Variants in RPTOR observed in about 807,000 individuals in gnomAD.
RPTOR encodes the protein regulatory associated protein of MTOR complex 1, also known as regulatory-associated protein of mTOR.
RPTOR carries 21 observed loss-of-function variants against 169.9 expected under a neutral mutation model. The ratio of observed to expected loss-of-function variants is 0.12; its 90% CI spans 0.09 to 0.18. RPTOR has a LOEUF of 0.18. RPTOR is among the 10% of genes least tolerant of loss of function. The pLI, the probability that RPTOR is intolerant of heterozygous loss-of-function variation, is 1.00. For synonymous variants in RPTOR, 732 were observed against 753.2 expected, an observed-to-expected ratio of 0.97 and a Z score of 0.46; for missense variants, 1,133 against 1,855.9, an observed-to-expected ratio of 0.61 and a Z score of 7.16.
At chr17:80,775,470 G>T (rs2066884328) in intron 6 of RPTOR, among the ~76,000 whole-genome samples, 1 of 152,178 alleles carries the variant, frequency 6.6e-6, no homozygotes, top group Non-Finnish European at 1.5e-5. Flanking sequence ...CTTCTCAGAT[G>T]CTTCAGGGGG....
In RPTOR at chr17:80,690,132, T is replaced by G. The variant is rs543663295; in HGVS notation, c.349-17709T>G. ...TTTAAACTTTTTATTATGAAAAATT[T>G]CAACATATACCCATCATCTATCTTC... On this transcript the variant is annotated intron_variant, in intron 3 of 33. Transcript: ENST00000306801. Among the ~76,000 whole-genome samples, 3 of 152,310 alleles carry G rather than the reference T, an allele frequency of 2.0e-5. No individual in the cohort carries two copies. The South Asian group carries it at 6.2e-4, about 32-fold the overall frequency.
In RPTOR at chr17:80,820,178, G is replaced by A. The variant is rs1342509735; in HGVS notation, c.891-2023G>A. The stretch of plus-strand genomic sequence containing the variant: ...AGCTTCGGCGTGTGGTCTGGGCGCT[G>A]TCTGTCCTCTGCATGGCTTTGGTAA... On this transcript the variant is annotated intron_variant, in intron 7 of 33. Coordinates refer to ENST00000306801, the MANE Select transcript of RPTOR (RefSeq NM_020761.3). This position sits in a 1 kb window ranked among gnomAD's most constrained non-coding sequence, Gnocchi z 4.1. Among the ~76,000 whole-genome samples the A allele has an allele frequency of 2.0e-5, 3 of 152,204 alleles. No individual in the cohort carries two copies. Among genetic ancestry groups the A allele is most frequent in the African/African-American group, 7.2e-5 (3 of 41,446 alleles).
intron 20 of RPTOR, among the ~76,000 whole-genome samples, chr17:80,900,595 C>T (rs996728366): frequency 6.6e-6 from 1 of 152,248 alleles, no homozygotes; most frequent in Non-Finnish European, 1.5e-5. Flanking sequence ...GGATTACAGG[C>T]ATGAGCCACT....
At chr17:80,946,083 A>AG (rs2069099872) in intron 26 of RPTOR, among the ~76,000 whole-genome samples, 1 of 152,112 alleles carries the variant, frequency 6.6e-6, no homozygotes, top group African/African-American at 2.4e-5. Context: ...AGGCGTACAC[A>AG]GGGGGGCCAG....
chr17:80,836,891 T>A (rs928515931), intron 9 of RPTOR, among the ~76,000 whole-genome samples: 1 of 152,092 alleles, frequency 6.6e-6, no homozygotes, highest in Admixed American at 6.5e-5. Context: ...CGGCTGTTCC[T>A]ACAGTAGAAT....
chr17:80,858,690 C>G (rs577825332), intron 13 of RPTOR, among the ~76,000 whole-genome samples: 1 of 151,952 alleles, frequency 6.6e-6, no homozygotes, highest in African/African-American at 2.4e-5. Context: ...GAACTGGAAA[C>G]GCCAGGAAGG....
At chr17:80,585,722 T>TTA (rs1491373245) in intron 1 of RPTOR, among the ~76,000 whole-genome samples, 1 of 152,184 alleles carries the variant, frequency 6.6e-6, no homozygotes, top group Non-Finnish European at 1.5e-5. Context: ...TTGGAGCCAC[T>TTA]TATATATAGA....
rs1598374517 is a variant in RPTOR at position 80,880,335 on chromosome 17, T to C, written c.1510-80T>C. The C allele has an allele frequency of 1.0e-4, 122 of 1,191,084 alleles. 1 individual carries two copies. The South Asian group carries it at 1.4e-3, about 13-fold the overall frequency. The allele number at this position is 1,191,084 out of a possible 1,614,324, so 73.8% of individuals were successfully genotyped here. On this transcript the variant is annotated intron_variant, in intron 13 of 33. Coordinates refer to ENST00000306801, the MANE Select transcript of RPTOR (RefSeq NM_020761.3). ...GAGGTATAAGAAGTCCCTGCCCTTA[T>C]TCGTTCACGCACCATGAGAAGCTTG...
intron 20 of RPTOR, among the ~76,000 whole-genome samples, chr17:80,896,254 G>A (rs61259441): frequency 0.73 from 110,551 of 151,858 alleles, 40,611 homozygotes; most frequent in Admixed American, 0.79. Flanking sequence ...CCGTCCTCCC[G>A]CCAGTGCTTC....
intron 21 of RPTOR, among the ~76,000 whole-genome samples, chr17:80,912,800 G>A (rs542839858): frequency 6.6e-6 from 1 of 152,140 alleles, no homozygotes; most frequent in African/African-American, 2.4e-5. Context: ...CGTGCTATCC[G>A]ATTGAGACCC....
intron 1 of RPTOR, among the ~76,000 whole-genome samples, chr17:80,546,881 C>T (rs942544985): frequency 5.9e-5 from 9 of 152,168 alleles, no homozygotes; most frequent in Admixed American, 3.9e-4. Flanking sequence ...CCAGCCCGGC[C>T]AACATGGTGA....
rs1598394830 is a variant in RPTOR, at chr17:80,908,904, A to G, written c.2495A>G (p.Lys832Arg). The G allele has an allele frequency of 6.2e-7, 1 of 1,613,862 alleles. No individual in the cohort carries two copies. The highest frequency in any genetic ancestry group is 8.5e-7 in the Non-Finnish European group (1 of 1,179,840). ...CCAGAGGTCTCGGACGTGGCCATGA[A>G]AGTACTCAACAGCATCGCCTACAAG... ...PYPEVSDVAM[K>R]VLNSIAYKAT... Residue 832 changes from lysine to arginine, a missense_variant, in exon 21 of 34, where the codon AAA (lysine) becomes AGA (arginine). Physicochemically the swap from Lys to Arg is conservative, Grantham distance 26. Transcript: ENST00000306801.
intron 5 of RPTOR, among the ~76,000 whole-genome samples, chr17:80,731,715 T>C (rs1448880044): frequency 1.3e-5 from 2 of 152,124 alleles, no homozygotes; most frequent in Non-Finnish European, 2.9e-5. Flanking sequence ...AAATTCTCAA[T>C]TTAGGAGCAA....
In RPTOR at chr17:80,962,540, G is replaced by A. The variant is rs751407036; in HGVS notation, c.3772G>A (p.Ala1258Thr). The change falls in exon 32 of 34, where the codon GCC (alanine) becomes ACC (threonine). Residue 1258 changes from alanine to threonine, a missense_variant. Ala to Thr is a moderately conservative substitution (Grantham distance 58). Around this residue, in one of 9 missense-constraint regions of RPTOR, gnomAD observed 410 missense variants for 623.7 expected, o/e 0.66. Coordinates refer to ENST00000306801, the MANE Select transcript of RPTOR (RefSeq NM_020761.3). Reference protein sequence around the residue: ...NVLQIVKGLTALDIHPQADLI... With the variant: ...NVLQIVKGLTTLDIHPQADLI... ...GCTTCAGATCGTGAAGGGGCTGACG[G>A]CCCTGGACATCCACCCCCAGGCGGA... is the stretch of plus-strand genomic sequence containing the variant. 1.2e-6 allele frequency: 2 copies of A among 1,613,790 alleles called. No homozygotes were observed. The highest frequency in any genetic ancestry group is 1.1e-5 in the South Asian group (1 of 91,084).
At chr17:80,610,071 T>C (rs12942637) in intron 1 of RPTOR, among the ~76,000 whole-genome samples, 27,862 of 152,050 alleles carry the variant, frequency 0.18, 2,974 homozygotes, top group East Asian at 0.27. Context: ...CAACTAATGG[T>C]CATAGAGTTG....
chr17:80,563,628 T>C (rs1384683231), intron 1 of RPTOR, among the ~76,000 whole-genome samples: 1 of 152,024 alleles, frequency 6.6e-6, no homozygotes, highest in African/African-American at 2.4e-5. Flanking sequence ...TTTTCTTTTT[T>C]TGTTTTGAAA....
intron 5 of RPTOR, among the ~76,000 whole-genome samples, chr17:80,744,721 T>C (rs374358212): frequency 2.4e-4 from 1 of 4,138 alleles, no homozygotes. Context: ...ACTAGCACTG[T>C]CCTGGCTACT....
chr17:80,752,707 G>A (rs981867458), intron 5 of RPTOR, among the ~76,000 whole-genome samples: 4 of 152,198 alleles, frequency 2.6e-5, no homozygotes, highest in Non-Finnish European at 4.4e-5. Context: ...ATCCTGTTTT[G>A]TTGAATGCTG....
chr17:80,950,537 C>G (rs1035582507), intron 28 of RPTOR, among the ~76,000 whole-genome samples: 2 of 151,880 alleles, frequency 1.3e-5, no homozygotes, highest in African/African-American at 4.8e-5. Context: ...TCTTAAGTTT[C>G]ATCCAGCAAA....
Sources: gnomAD v4.1 joint callset for allele counts (sites outside exome capture counted in the v4.1 genomes callset) on GRCh38, gnomAD v4.1.1 for gene constraint, gnomAD v4.1.1 regional missense constraint, Gnocchi (gnomAD v3.1) non-coding constraint, MANE v1.5 for transcripts, NCBI Gene and HGNC (gene_info 2026-07-23, HGNC 2026-07-21) for gene names.